Variants in COLEC12 observed in about 807,000 individuals in gnomAD.
COLEC12 encodes the protein collectin subfamily member 12, also known as collectin-12.
COLEC12 carries 33 observed loss-of-function variants against 71.1 expected under a neutral mutation model. The observed-to-expected ratio is 0.46, with a 90% CI of 0.35 to 0.62. The LOEUF (loss-of-function observed/expected upper bound fraction) is 0.62, where lower values mean the gene tolerates loss of function less well. Ranked by LOEUF, COLEC12 falls within the 20% of genes least tolerant of loss-of-function variation. The pLI, the probability that COLEC12 is intolerant of heterozygous loss-of-function variation, is 0.00. For synonymous variants in COLEC12, 350 were observed against 353.0 expected, an observed-to-expected ratio of 0.99 and a Z score of 0.10; for missense variants, 765 against 916.1, an observed-to-expected ratio of 0.84 and a Z score of 2.13.
chr18:412,941 G>C (rs10460013), intron 2 of COLEC12, among the ~76,000 whole-genome samples: 49,408 of 151,978 alleles, frequency 0.33, 8,549 homozygotes, highest in South Asian at 0.55. Flanking sequence ...AAAAATAAAA[G>C]AGCAGACCTA....
intron 2 of COLEC12, among the ~76,000 whole-genome samples, chr18:377,584 C>T (rs1455740246): frequency 6.6e-6 from 1 of 152,240 alleles, no homozygotes. Context: ...GGCCTTGTTG[C>T]TCAAAGGAAA....
At chr18:330,481 C>T (rs1598327082) in intron 8 of COLEC12, among the ~76,000 whole-genome samples, 2 of 146,776 alleles carry the variant, frequency 1.4e-5, no homozygotes, top group Non-Finnish European at 3.0e-5. Context: ...CTAAAGGTTA[C>T]TCAGAGGGTT....
intron 2 of COLEC12, among the ~76,000 whole-genome samples, chr18:359,761 G>C (rs1914703778): frequency 6.6e-6 from 1 of 152,178 alleles, no homozygotes; most frequent in Non-Finnish European, 1.5e-5. Flanking sequence ...CTTACTAATA[G>C]CGTCCCCCAG....
At chr18:470,220 A>ATTTTTTTTTTT (rs71174234) in intron 2 of COLEC12, among the ~76,000 whole-genome samples, 2 of 92,354 alleles carry the variant, frequency 2.2e-5, no homozygotes, top group African/African-American at 8.8e-5. Context: ...AGGCCAGGAA[A>ATTTTTTTTTTT]TTTTTTTTTT....
At chr18:410,026 C>G (rs1915863172) in intron 2 of COLEC12, among the ~76,000 whole-genome samples, 1 of 152,222 alleles carries the variant, frequency 6.6e-6, no homozygotes, top group African/African-American at 2.4e-5. Context: ...CTCTGAACTT[C>G]AGTTCTCACC....
At chr18:487,763 T>TA (rs1917547194) in intron 1 of COLEC12, among the ~76,000 whole-genome samples, 1 of 152,060 alleles carries the variant, frequency 6.6e-6, no homozygotes, top group Non-Finnish European at 1.5e-5. Context: ...GACCAACTAA[T>TA]AAAAAAATAA....
intron 2 of COLEC12, among the ~76,000 whole-genome samples, chr18:404,259 T>G (rs976125530): frequency 6.6e-6 from 1 of 152,168 alleles, no homozygotes; most frequent in African/African-American, 2.4e-5. Context: ...AAAATGTGGT[T>G]TAAAAAAAAA....
intron 2 of COLEC12, among the ~76,000 whole-genome samples, chr18:379,546 A>G (rs1311833625): frequency 6.6e-6 from 1 of 152,226 alleles, no homozygotes; most frequent in Non-Finnish European, 1.5e-5. Context: ...AGGAAGAAGT[A>G]AAAGGAACAA....
chr18:391,934 T>C (rs1469498190), intron 2 of COLEC12, among the ~76,000 whole-genome samples: 1 of 152,190 alleles, frequency 6.6e-6, no homozygotes, highest in East Asian at 1.9e-4. Context: ...ATTGTGAAAA[T>C]AATCTCGCAT....
intron 2 of COLEC12, among the ~76,000 whole-genome samples, chr18:378,753 C>T (rs1915168073): frequency 6.6e-6 from 1 of 152,236 alleles, no homozygotes; most frequent in Admixed American, 6.5e-5. Flanking sequence ...TTCTTCTCTA[C>T]ATGGTGTACT....
chr18:400,434 CTGT>C (rs1490167650), intron 2 of COLEC12, among the ~76,000 whole-genome samples: 1 of 152,154 alleles, frequency 6.6e-6, no homozygotes, highest in Non-Finnish European at 1.5e-5. Flanking sequence ...TATGACTTGA[CTGT>C]GTTTCAGTAA....
chr18:387,578 CA>C (rs1271212367), intron 2 of COLEC12, among the ~76,000 whole-genome samples: 1 of 152,102 alleles, frequency 6.6e-6, no homozygotes, highest in Non-Finnish European at 1.5e-5. Context: ...TGACATAGTG[CA>C]ATCCTTCTGC....
At position 500,548 on chromosome 18, in the gene COLEC12, C is replaced by T. The variant is rs962958386; in HGVS notation, c.-34G>A. The T allele has an allele frequency of 2.5e-5, 31 of 1,221,630 alleles. No homozygotes were observed. The African/African-American group carries it at 4.4e-4, about 17-fold the overall frequency. The allele number at this position is 1,221,630 out of a possible 1,614,324, so 75.7% of individuals were successfully genotyped here. ...TGGGGACGCACCGCCGGCCGGGGAG[C>T]TCCGCGCGAGCGCCGCGCAGCCGAG... On this transcript the variant is annotated 5_prime_UTR_variant, in exon 1 of 10. Transcript: ENST00000400256. The surrounding 1 kb of genome is among the most constrained non-coding windows in gnomAD (Gnocchi z 5.3).
At chr18:481,592 T>A (rs1223488789) in intron 1 of COLEC12, among the ~76,000 whole-genome samples, 1 of 152,050 alleles carries the variant, frequency 6.6e-6, no homozygotes, top group South Asian at 2.1e-4. Flanking sequence ...TAATCCCAGC[T>A]ACTTGAAAGG....
intron 2 of COLEC12, among the ~76,000 whole-genome samples, chr18:402,210 A>G (rs1429200754): frequency 2.0e-5 from 3 of 152,062 alleles, no homozygotes; most frequent in African/African-American, 7.2e-5. Flanking sequence ...CTGGTTACAG[A>G]ATTTTCTGGG....
Position 319,158 on chromosome 18 carries a change from G to T in COLEC12, c.*887C>A, listed in dbSNP as rs1415801365. 1 of 151,724 alleles carries T rather than the reference G, an allele frequency of 6.6e-6. No homozygotes were observed. The highest frequency in any genetic ancestry group is 2.4e-5 in the African/African-American group (1 of 41,312). The allele number at this position is 151,724 out of a possible 1,614,324, so 9.4% of individuals were successfully genotyped here. On this transcript the variant is annotated 3_prime_UTR_variant, in exon 10 of 10. Coordinates refer to ENST00000400256, the MANE Select transcript of COLEC12 (RefSeq NM_130386.3). ...ACGTCTTGAGTTGCCCATTTCTTCTGTGTCTGGTCAGGCACACGTCAAGAA... is the reference window on the plus strand; with the variant it reads ...ACGTCTTGAGTTGCCCATTTCTTCTTTGTCTGGTCAGGCACACGTCAAGAA...
intron 5 of COLEC12, among the ~76,000 whole-genome samples, chr18:341,585 C>A (rs1343148202): frequency 6.6e-6 from 1 of 152,188 alleles, no homozygotes; most frequent in African/African-American, 2.4e-5. Flanking sequence ...ATTCTTTGTG[C>A]ATATGAAGCT....
At chr18:434,120 T>C (rs543859435) in intron 2 of COLEC12, among the ~76,000 whole-genome samples, 2 of 152,346 alleles carry the variant, frequency 1.3e-5, no homozygotes, top group African/African-American at 4.8e-5. Context: ...ATTACGCTTA[T>C]ATGAGGTCAT....
intron 2 of COLEC12, among the ~76,000 whole-genome samples, chr18:449,207 C>A (rs1263824009): frequency 6.6e-6 from 1 of 152,050 alleles, no homozygotes; most frequent in Non-Finnish European, 1.5e-5. Flanking sequence ...AAGACTTTTA[C>A]TCTCTAAGTT....
Sources: allele counts gnomAD v4.1 joint callset (sites outside exome capture counted in the v4.1 genomes callset), GRCh38; gene constraint gnomAD v4.1.1; non-coding constraint Gnocchi (gnomAD v3.1); transcripts MANE v1.5; gene names NCBI Gene and HGNC (gene_info 2026-07-23, HGNC 2026-07-21).